The following CAPZB variants were observed in gnomAD, a reference collection of about 807,000 sequenced individuals.
CAPZB encodes the protein F-actin-capping protein subunit beta.
In CAPZB, 2 loss-of-function variants were observed where a neutral mutation model predicts 38.1. That is an observed-to-expected ratio of 0.05 (90% CI 0.02 to 0.17). CAPZB has a LOEUF of 0.17. CAPZB is among the 10% of genes least tolerant of loss of function. The probability of loss-of-function intolerance (pLI) is 1.00; values close to 1 mark genes in which losing one functional copy is unlikely to be tolerated. For missense variants in CAPZB, 161 were observed against 334.2 expected (o/e 0.48, Z 4.04); for synonymous variants, 107 against 127.4 (o/e 0.84, Z 1.08).
intron 1 of CAPZB, among the ~76,000 whole-genome samples, chr1:19,453,991 G>A (rs753972314): frequency 2.0e-5 from 3 of 152,166 alleles, no homozygotes; most frequent in Non-Finnish European, 4.4e-5. Flanking sequence ...TGCAGCGTCT[G>A]CAATTTCAAC....
chr1:19,343,502 T>C (rs75171094), intron 8 of CAPZB, among the ~76,000 whole-genome samples: 2,127 of 152,296 alleles, frequency 0.014, 16 homozygotes, highest in Non-Finnish European at 0.023. Flanking sequence ...GTGTTCTAGA[T>C]TCATCATCTC....
At chr1:19,384,274 T>C (rs1180867272) in intron 3 of CAPZB, among the ~76,000 whole-genome samples, 2 of 152,042 alleles carry the variant, frequency 1.3e-5, no homozygotes, top group Non-Finnish European at 2.9e-5. Context: ...CTTCTCCACC[T>C]CTGGCCTTCT....
In CAPZB at chr1:19,462,457, C is replaced by CA. The variant is rs34138277; in HGVS notation, c.3+22978dup. On this transcript the variant is annotated intron_variant, in intron 1 of 8. Transcript: ENST00000264202. The stretch of plus-strand genomic sequence containing the variant: ...TGGGCGACAGAGTGAGACTCCGTCT[C>CA]AAAAAAAAAAAAAATTAAAATTAAA... Among the ~76,000 whole-genome samples, 1,036 of 131,796 alleles carry CA rather than the reference C, an allele frequency of 7.9e-3. 8 individuals carry two copies. The highest frequency in any genetic ancestry group is 0.027 in the South Asian group (117 of 4,292). 86.5% of individuals were successfully genotyped at this position (131,796 alleles called of 152,430 possible). A position where few individuals can be genotyped will look rare whatever the true frequency, so the allele number is the denominator to read the frequency against.
intron 1 of CAPZB, among the ~76,000 whole-genome samples, chr1:19,483,628 C>T (rs2094638862): frequency 6.6e-6 from 1 of 152,222 alleles, no homozygotes; most frequent in South Asian, 2.1e-4. Flanking sequence ...TGGCGAGAAT[C>T]GCTGCTTCCT....
At chr1:19,414,561 TG>T (rs1236485655) in intron 2 of CAPZB, among the ~76,000 whole-genome samples, 1 of 152,198 alleles carries the variant, frequency 6.6e-6, no homozygotes, top group African/African-American at 2.4e-5. Flanking sequence ...GACCAATGTT[TG>T]CAAGCAGAGA....
intron 4 of CAPZB, among the ~76,000 whole-genome samples, chr1:19,370,298 A>G (rs1462114496): frequency 6.6e-6 from 1 of 152,226 alleles, no homozygotes; most frequent in East Asian, 1.9e-4. Context: ...CCGAGGCTCC[A>G]TAATTCGCTA....
chr1:19,386,723 C>T (rs2094206185), intron 2 of CAPZB, among the ~76,000 whole-genome samples: 1 of 152,238 alleles, frequency 6.6e-6, no homozygotes, highest in Non-Finnish European at 1.5e-5. Context: ...GCTGCCCCTC[C>T]AGGGTGCTTT....
intron 2 of CAPZB, among the ~76,000 whole-genome samples, chr1:19,386,592 C>T (rs1252503922): frequency 2.6e-5 from 4 of 152,184 alleles, no homozygotes; most frequent in East Asian, 1.9e-4. Context: ...GCTCAGCAGA[C>T]GGGCTGACAG....
intron 1 of CAPZB, among the ~76,000 whole-genome samples, chr1:19,424,050 G>A (rs924407290): frequency 7.2e-5 from 11 of 152,288 alleles, no homozygotes; most frequent in African/African-American, 2.2e-4. Context: ...GAGCTCAAGC[G>A]ATCCATCTGC....
chr1:19,381,420 G>C (rs2094174119), intron 3 of CAPZB, among the ~76,000 whole-genome samples: 1 of 152,020 alleles, frequency 6.6e-6, no homozygotes, highest in Admixed American at 6.6e-5. Flanking sequence ...CCAGTACCCA[G>C]CCCTGAGTTA....
intron 2 of CAPZB, among the ~76,000 whole-genome samples, chr1:19,409,950 G>A (rs922670106): frequency 1.3e-5 from 2 of 152,186 alleles, no homozygotes; most frequent in African/African-American, 4.8e-5. Context: ...TGAGAAATAC[G>A]CAATATGACT....
At chr1:19,429,796 T>C (rs1570244912) in intron 1 of CAPZB, among the ~76,000 whole-genome samples, 1 of 152,084 alleles carries the variant, frequency 6.6e-6, no homozygotes, top group South Asian at 2.1e-4. Flanking sequence ...TATGTCAGTT[T>C]CCAAGTCATT....
chr1:19,386,814 G>A (rs2094206666), intron 2 of CAPZB, among the ~76,000 whole-genome samples: 1 of 152,172 alleles, frequency 6.6e-6, no homozygotes, highest in Admixed American at 6.5e-5. Context: ...TTCTGGCCTT[G>A]GTGAGATGAT....
intron 4 of CAPZB, among the ~76,000 whole-genome samples, chr1:19,363,259 A>AT (rs1558186990): frequency 3.6e-4 from 30 of 83,604 alleles, no homozygotes; most frequent in East Asian, 1.0e-3. Flanking sequence ...TTAAAAAAAA[A>AT]ATTTTTTTTT....
Position 19,366,055 on chromosome 1 carries a change from C to CCA in CAPZB, c.330-8493_330-8492insTG, listed in dbSNP as rs2094082881. The stretch of plus-strand genomic sequence containing the variant: ...AACAGCTCCAACATGTAAGATTCCA[C>CCA]GAGTCTTTCTTCTCCTACCCTATGT... On this transcript the variant is annotated intron_variant, in intron 4 of 8. Transcript: ENST00000264202. Among the ~76,000 whole-genome samples, 3 of 151,454 alleles carry CCA rather than the reference C, an allele frequency of 2.0e-5. No homozygotes were observed. In the South Asian group the frequency reaches 6.3e-4, roughly 32 times the overall value.
At chr1:19,480,449 G>A (rs899288067) in intron 1 of CAPZB, among the ~76,000 whole-genome samples, 5 of 152,222 alleles carry the variant, frequency 3.3e-5, no homozygotes, top group African/African-American at 1.2e-4. Context: ...CCCAACTGCA[G>A]AGACCATGTT....
At chr1:19,473,857 T>C (rs1305253022) in intron 1 of CAPZB, among the ~76,000 whole-genome samples, 1 of 152,060 alleles carries the variant, frequency 6.6e-6, no homozygotes, top group African/African-American at 2.4e-5. Flanking sequence ...AGAATGAAAT[T>C]CTGTCTTAAA....
At chr1:19,373,069 T>C (rs915618326) in intron 4 of CAPZB, among the ~76,000 whole-genome samples, 1 of 152,138 alleles carries the variant, frequency 6.6e-6, no homozygotes, top group Non-Finnish European at 1.5e-5. Context: ...GTTACTCTCC[T>C]AGGGAAAGTA....
intron 6 of CAPZB, among the ~76,000 whole-genome samples, chr1:19,349,930 C>T (rs1484556545): frequency 1.3e-5 from 2 of 152,248 alleles, no homozygotes; most frequent in Non-Finnish European, 2.9e-5. Context: ...AAAACAGAAC[C>T]ATTTGTGCAC....
Sources: gnomAD v4.1 joint callset for allele counts (sites outside exome capture counted in the v4.1 genomes callset) on GRCh38, gnomAD v4.1.1 for gene constraint, MANE v1.5 for transcripts, NCBI Gene and HGNC (gene_info 2026-07-23, HGNC 2026-07-21) for gene names.